The following EPHA5 variants were observed in gnomAD, a reference collection of about 807,000 sequenced individuals.
EPHA5 encodes ephrin type-A receptor 5.
A neutral mutation model predicts 105.0 loss-of-function variants in EPHA5; 60 were observed. The observed-to-expected ratio is 0.57, with a 90% confidence interval of 0.46 to 0.71. The LOEUF is 0.71. Among genes scored for constraint, EPHA5 ranks in the 30% least tolerant of loss-of-function variants. EPHA5 has a pLI of 0.00. For synonymous variants in EPHA5, 513 were observed against 449.1 expected, an observed-to-expected ratio of 1.14 and a Z score of -1.80; for missense variants, 1,218 against 1,274.7, an observed-to-expected ratio of 0.96 and a Z score of 0.68.
At chr4:65,372,671 G>C (rs1577946697) in intron 8 of EPHA5, among the ~76,000 whole-genome samples, 2 of 151,926 alleles carry the variant, frequency 1.3e-5, no homozygotes, top group East Asian at 3.9e-4. Flanking sequence ...CACAAAATGA[G>C]AAAACAATTT....
chr4:65,408,232 GA>G (rs943052188), intron 7 of EPHA5, among the ~76,000 whole-genome samples: 4 of 151,900 alleles, frequency 2.6e-5, no homozygotes, highest in African/African-American at 4.8e-5. Context: ...TTAGGAGTGA[GA>G]AAAAAATATT....
intron 3 of EPHA5, among the ~76,000 whole-genome samples, chr4:65,574,751 T>G (rs1211953459): frequency 4.6e-5 from 6 of 131,844 alleles, no homozygotes. Context: ...TACATATATA[T>G]ATATATACAC....
intron 5 of EPHA5, among the ~76,000 whole-genome samples, chr4:65,462,514 G>T (rs1259932996): frequency 6.6e-6 from 1 of 152,124 alleles, no homozygotes; most frequent in African/African-American, 2.4e-5. Context: ...TCAAAGACTA[G>T]CTGGGCACTA....
chr4:65,653,544 G>A (rs980680332), intron 1 of EPHA5, among the ~76,000 whole-genome samples: 1 of 151,986 alleles, frequency 6.6e-6, no homozygotes, highest in African/African-American at 2.4e-5. Flanking sequence ...CTGGATTCAT[G>A]ATAGCAGGAA....
At chr4:65,339,022 A>G (rs1244576741) in intron 14 of EPHA5, among the ~76,000 whole-genome samples, 1 of 152,188 alleles carries the variant, frequency 6.6e-6, no homozygotes, top group African/African-American at 2.4e-5. Context: ...TTTTACAGGC[A>G]AGCTGGCACC....
chr4:65,611,077 T>C (rs1240588200), intron 2 of EPHA5, among the ~76,000 whole-genome samples: 1 of 152,174 alleles, frequency 6.6e-6, no homozygotes, highest in Non-Finnish European at 1.5e-5. Context: ...TTATTTAAGA[T>C]GGAGTACAAA....
chr4:65,439,155 C>T (rs914339651), intron 5 of EPHA5, among the ~76,000 whole-genome samples: 1 of 152,032 alleles, frequency 6.6e-6, no homozygotes, highest in East Asian at 1.9e-4. Flanking sequence ...ATTCAGAGTC[C>T]ATATGTCTAA....
At chr4:65,408,888 C>T (rs1722635209) in intron 7 of EPHA5, among the ~76,000 whole-genome samples, 2 of 151,982 alleles carry the variant, frequency 1.3e-5, no homozygotes, top group South Asian at 4.2e-4. Flanking sequence ...GACACATGCA[C>T]ACATATGTTT....
intron 3 of EPHA5, among the ~76,000 whole-genome samples, chr4:65,502,241 A>C (rs183147882): frequency 1.3e-5 from 2 of 151,956 alleles, no homozygotes; most frequent in African/African-American, 4.8e-5. Flanking sequence ...TAACAAAAAC[A>C]AAAATGAAAA....
intron 6 of EPHA5, among the ~76,000 whole-genome samples, chr4:65,414,727 AG>A (rs1202142968): frequency 6.6e-6 from 1 of 152,156 alleles, no homozygotes; most frequent in African/African-American, 2.4e-5. Context: ...ATAATGTTGT[AG>A]GAGACTGATT....
At chr4:65,552,136 G>C (rs1737982168) in intron 3 of EPHA5, among the ~76,000 whole-genome samples, 1 of 152,184 alleles carries the variant, frequency 6.6e-6, no homozygotes, top group Non-Finnish European at 1.5e-5. Context: ...CCTGTGGCCT[G>C]ATGTCAGAAC....
chr4:65,663,204 A>T (rs531503525), intron 1 of EPHA5, among the ~76,000 whole-genome samples: 23 of 152,272 alleles, frequency 1.5e-4, no homozygotes, highest in African/African-American at 5.5e-4. Flanking sequence ...GGCAAAACAT[A>T]GACACTTTTT....
intron 3 of EPHA5, among the ~76,000 whole-genome samples, chr4:65,568,853 C>A (rs574711981): frequency 1.3e-5 from 2 of 151,116 alleles, no homozygotes; most frequent in African/African-American, 4.8e-5. Context: ...CAAAGTATTT[C>A]TCTAGTGATC....
intron 6 of EPHA5, among the ~76,000 whole-genome samples, chr4:65,418,860 C>CTGTTTTTTTTT (rs1560516457): frequency 3.8e-5 from 3 of 79,810 alleles, no homozygotes; most frequent in Admixed American, 1.5e-4. Context: ...CTTACCTAAA[C>CTGTTTTTTTTT]TCTTTTTTTT....
At chr4:65,436,882 A>T (rs966722522) in intron 5 of EPHA5, among the ~76,000 whole-genome samples, 1 of 151,864 alleles carries the variant, frequency 6.6e-6, no homozygotes, top group Admixed American at 6.6e-5. Context: ...TTTGATTGTT[A>T]TTTTTATGCC....
At chr4:65,390,801 C>T (rs571850309) in intron 8 of EPHA5, among the ~76,000 whole-genome samples, 1 of 151,924 alleles carries the variant, frequency 6.6e-6, no homozygotes, top group South Asian at 2.1e-4. Context: ...TAAAAGTATG[C>T]CATTTTTCTG....
intron 3 of EPHA5, among the ~76,000 whole-genome samples, chr4:65,505,269 A>G (rs1345569582): frequency 2.6e-5 from 4 of 152,038 alleles, no homozygotes. Flanking sequence ...TCTACTTCAT[A>G]GAAAAAAGAT....
At chr4:65,411,231 TA>T (rs11346784) in intron 7 of EPHA5, among the ~76,000 whole-genome samples, 24,550 of 151,190 alleles carry the variant, frequency 0.16, 2,074 homozygotes, top group Middle Eastern at 0.26. Context: ...ATAGTTTTTC[TA>T]AAAAAAAAGT....
At chr4:65,364,834 T>C (rs906581845) in intron 11 of EPHA5, among the ~76,000 whole-genome samples, 183 bp downstream of exon 11, 22 of 151,636 alleles carry the variant, frequency 1.5e-4, no homozygotes, top group Admixed American at 3.3e-4. Flanking sequence ...TTTTAAAAGA[T>C]AGATGAAAAT....
Sources: allele counts gnomAD v4.1 joint callset (sites outside exome capture counted in the v4.1 genomes callset), GRCh38; gene constraint gnomAD v4.1.1; transcripts MANE v1.5; gene names NCBI Gene and HGNC (gene_info 2026-07-23, HGNC 2026-07-21).